The following PILRA variants were observed in gnomAD, a reference collection of about 807,000 sequenced individuals.
PILRA encodes paired immunoglobin like type 2 receptor alpha, also known as paired immunoglobulin-like type 2 receptor alpha.
Under a neutral mutation model 33.1 loss-of-function variants are expected in PILRA, and 37 were observed. The ratio of observed to expected loss-of-function variants is 1.12; its 90% CI spans 0.86 to 1.47. The LOEUF (loss-of-function observed/expected upper bound fraction) is 1.47. PILRA is among the 40% of genes most tolerant of loss of function. The pLI, the probability that PILRA is intolerant of heterozygous loss-of-function variation, is 0.00. For synonymous variants in PILRA, 146 were observed against 149.9 expected, an observed-to-expected ratio of 0.97 and a Z score of 0.19; for missense variants, 312 against 376.2, an observed-to-expected ratio of 0.83 and a Z score of 1.41.
rs151185249 is a variant in PILRA, at chr7:100,377,784, T to C, written c.454+3351T>C. Among the ~76,000 whole-genome samples, 778 of 152,286 alleles carry C rather than the reference T, an allele frequency of 5.1e-3. 1 individual carries two copies. Among genetic ancestry groups the C allele is most frequent in the Non-Finnish European group, 8.8e-3 (599 of 68,026 alleles). On this transcript the variant is annotated intron_variant, in intron 2 of 6. Transcript: ENST00000198536. Reference sequence around the variant, plus strand: ...TGTATGTAGTGATAATTTATTTTGGTATATGGCATAAACAACTAAATTGAT... The same window carrying C: ...TGTATGTAGTGATAATTTATTTTGGCATATGGCATAAACAACTAAATTGAT...
At chr7:100,374,579 T>C in intron 2 of PILRA, 146 bp downstream of exon 2, 3 of 856,958 alleles carry the variant, frequency 3.5e-6, no homozygotes. Context: ...CCTCAGGCCT[T>C]TGCCACCTCT....
intron 3 of PILRA, among the ~76,000 whole-genome samples, chr7:100,393,618 G>T (rs1791433678): frequency 6.6e-6 from 1 of 152,144 alleles, no homozygotes; most frequent in Admixed American, 6.6e-5. Context: ...ACAAGACAGA[G>T]TTGGGTTATT....
intron 2 of PILRA, among the ~76,000 whole-genome samples, chr7:100,387,009 ATGGAGACCT>A (rs1791268627): frequency 6.6e-6 from 1 of 152,192 alleles, no homozygotes. Context: ...CTTCCTAAGC[ATGGAGACCT>A]TATGAAAGGT....
chr7:100,392,046 C>T (rs1196560590), intron 3 of PILRA, among the ~76,000 whole-genome samples: 8 of 152,142 alleles, frequency 5.3e-5, no homozygotes, highest in South Asian at 4.1e-4. Context: ...CTCCCGCTCA[C>T]GCCTGTAATC....
intron 4 of PILRA, among the ~76,000 whole-genome samples, chr7:100,398,414 C>T (rs1186311151): frequency 6.6e-6 from 1 of 152,170 alleles, no homozygotes; most frequent in Non-Finnish European, 1.5e-5. Flanking sequence ...CAGGCTAGGG[C>T]CTCACTTTTC....
chr7:100,384,412 CA>C (rs999346902), intron 2 of PILRA, among the ~76,000 whole-genome samples: 1,175 of 107,816 alleles, frequency 0.011, 20 homozygotes, highest in East Asian at 0.079. Flanking sequence ...CCGTCTCTAC[CA>C]AAAAAAAAAA....
rs547218136 is a variant in PILRA, at chr7:100,387,321, A to C, written c.455-2567A>C. Among the ~76,000 whole-genome samples the C allele has an allele frequency of 1.2e-4, 18 of 152,188 alleles. No homozygotes were observed. The East Asian group carries it at 1.5e-3, about 13-fold the overall frequency. ...CTCCGCCTCCCAGGTTCAAGTGATTATCCTGCCTCAGCCTCCCAAGTAGCT... is the reference window on the plus strand; with the variant it reads ...CTCCGCCTCCCAGGTTCAAGTGATTCTCCTGCCTCAGCCTCCCAAGTAGCT... On this transcript the variant is annotated intron_variant, in intron 2 of 6. Transcript: ENST00000198536.
At chr7:100,372,222 A>G (rs1048942833), upstream of PILRA, among the ~76,000 whole-genome samples, 4 of 144,856 alleles carry the variant, frequency 2.8e-5, no homozygotes, top group African/African-American at 1.0e-4. Context: ...GAAGCAGAGA[A>G]TGAGGTGTTT....
chr7:100,381,996 TCCCCACCCCCACCCCCA>T (rs1056078553), intron 2 of PILRA, among the ~76,000 whole-genome samples: 16 of 128,586 alleles, frequency 1.2e-4, no homozygotes, highest in African/African-American at 2.2e-4. Context: ...CATGCCTCAG[TCCCCACCCCCACCCCCA>T]CCCCACCCCC....
chr7:100,389,713 C>T (rs1173591402), intron 2 of PILRA, among the ~76,000 whole-genome samples, 175 bp from the exon 3 acceptor site: 4 of 152,018 alleles, frequency 2.6e-5, no homozygotes, highest in African/African-American at 4.8e-5. Flanking sequence ...TGAACTGAGT[C>T]GTCTGCATTG....
intron 2 of PILRA, among the ~76,000 whole-genome samples, chr7:100,380,490 C>CA (rs1791065542): frequency 1.3e-5 from 2 of 152,038 alleles, no homozygotes; most frequent in Admixed American, 6.6e-5. Context: ...GATACAATAG[C>CA]AAAAATAAAA....
intron 2 of PILRA, among the ~76,000 whole-genome samples, chr7:100,389,506 A>G (rs1201768635): frequency 3.3e-5 from 5 of 152,214 alleles, no homozygotes; most frequent in African/African-American, 1.2e-4. Flanking sequence ...CACCCTGCTG[A>G]TAACTGGTAT....
chr7:100,387,452 G>T (rs1791279538), intron 2 of PILRA, among the ~76,000 whole-genome samples: 1 of 152,192 alleles, frequency 6.6e-6, no homozygotes. Context: ...GACCTCAGGT[G>T]ATCTGCTCAC....
chr7:100,374,010 G>A (rs1208451286), intron 1 of PILRA, 34 bp from the exon 2 acceptor site: 1 of 1,601,094 alleles, frequency 6.2e-7, no homozygotes, highest in South Asian at 1.1e-5. Context: ...GTGGTTTCAA[G>A]GTCTCTCCCC....
chr7:100,393,316 A>AT lies in PILRA; in HGVS notation c.673+3220dup, dbSNP rs567703204. Among the ~76,000 whole-genome samples the AT allele has an allele frequency of 8.3e-3, 1,242 of 150,154 alleles. 8 individuals are homozygous for AT. Among genetic ancestry groups the AT allele is most frequent in the Admixed American group, 0.015 (232 of 15,076 alleles). On this transcript the variant is annotated intron_variant, in intron 3 of 6. Coordinates refer to ENST00000198536, the MANE Select transcript of PILRA (RefSeq NM_013439.3). ...AAAAAATTAAAATCAACCACTTATG[A>AT]TTTTTTTTTTAATTCTGCAGAACAA...
At chr7:100,381,629 C>T (rs575061167) in intron 2 of PILRA, among the ~76,000 whole-genome samples, 21 of 152,366 alleles carry the variant, frequency 1.4e-4, no homozygotes, top group African/African-American at 5.0e-4. Context: ...ACTCTGGCCG[C>T]ACTTGAAGAG....
chr7:100,389,622 G>GA (rs1428698874), intron 2 of PILRA, among the ~76,000 whole-genome samples: 1 of 150,876 alleles, frequency 6.6e-6, no homozygotes, highest in African/African-American at 2.4e-5. Context: ...ATGAAGGAAA[G>GA]AAGGAAGGAG....
chr7:100,397,776 G>C, intron 3 of PILRA, 103 bp from the exon 4 acceptor site: 1 of 1,225,418 alleles, frequency 8.2e-7, no homozygotes. Context: ...CTGCTGCTCC[G>C]GTCCCTCTAA....
intron 1 of PILRA, 86 bp from the exon 2 acceptor site, chr7:100,373,958 A>G: frequency 1.3e-6 from 2 of 1,521,564 alleles, no homozygotes; most frequent in Non-Finnish European, 1.8e-6. Flanking sequence ...CCTGTGGGTG[A>G]AGGTGCGGGA....
Sources: gnomAD v4.1 joint callset for allele counts (sites outside exome capture counted in the v4.1 genomes callset) on GRCh38, gnomAD v4.1.1 for gene constraint, MANE v1.5 for transcripts, NCBI Gene and HGNC (gene_info 2026-07-23, HGNC 2026-07-21) for gene names.